ZNF385D: variants seen among roughly 807,000 people sequenced by gnomAD.
ZNF385D encodes the protein zinc finger protein 385D.
ZNF385D carries 15 observed loss-of-function variants against 35.8 expected under a neutral mutation model. That is an observed-to-expected ratio of 0.42 (90% CI 0.28 to 0.64). The LOEUF is 0.64. Among genes scored for constraint, ZNF385D ranks in the 30% least tolerant of loss-of-function variants. The probability of loss-of-function intolerance (pLI) is 0.23; values close to 1 mark genes in which losing one functional copy is unlikely to be tolerated. For missense variants in ZNF385D, 474 were observed against 494.6 expected (o/e 0.96, Z 0.39); for synonymous variants, 212 against 186.8 (o/e 1.13, Z -1.10).
intron 2 of ZNF385D, among the ~76,000 whole-genome samples, chr3:22,321,881 T>C (rs996112893): frequency 6.6e-6 from 1 of 152,100 alleles, no homozygotes; most frequent in African/African-American, 2.4e-5. Context: ...CTACACTCCC[T>C]TTATTGAGTG....
At chr3:21,863,398 A>G (rs1386524987) in intron 3 of ZNF385D, among the ~76,000 whole-genome samples, 1 of 152,114 alleles carries the variant, frequency 6.6e-6, no homozygotes, top group East Asian at 1.9e-4. Flanking sequence ...TTATTTGTTG[A>G]CTGCATGGAA....
At chr3:22,209,261 G>A (rs2125257300) in intron 2 of ZNF385D, among the ~76,000 whole-genome samples, 1 of 151,998 alleles carries the variant, frequency 6.6e-6, no homozygotes. Context: ...TTATAGACAT[G>A]TCACAAATGT....
At chr3:21,467,839 A>G (rs898901334) in intron 4 of ZNF385D, among the ~76,000 whole-genome samples, 1 of 152,196 alleles carries the variant, frequency 6.6e-6, no homozygotes, top group African/African-American at 2.4e-5. Flanking sequence ...AATACTTCTA[A>G]ATTACAGTTT....
chr3:21,871,591 T>C (rs892632947), intron 3 of ZNF385D, among the ~76,000 whole-genome samples: 5 of 152,266 alleles, frequency 3.3e-5, no homozygotes, highest in African/African-American at 1.2e-4. Context: ...GATTTAGTAA[T>C]TTTGTCAATG....
chr3:22,230,496 A>G (rs1698822335), intron 2 of ZNF385D, among the ~76,000 whole-genome samples: 1 of 151,948 alleles, frequency 6.6e-6, no homozygotes, highest in Non-Finnish European at 1.5e-5. Context: ...GAAGGATTCC[A>G]CTCCAAGGTC....
chr3:21,455,743 C>T (rs539544541), intron 4 of ZNF385D, among the ~76,000 whole-genome samples: 54 of 152,046 alleles, frequency 3.6e-4, no homozygotes, highest in Non-Finnish European at 5.3e-4. Flanking sequence ...ACAAATGGGA[C>T]CTAATTAAAC....
At chr3:21,658,248 T>C (rs2066131275) in intron 2 of ZNF385D, among the ~76,000 whole-genome samples, 2 of 152,044 alleles carry the variant, frequency 1.3e-5, no homozygotes, top group Non-Finnish European at 2.9e-5. Flanking sequence ...TGTAAGTACA[T>C]TCTTTGGGCA....
intron 3 of ZNF385D, among the ~76,000 whole-genome samples, chr3:21,823,003 G>A (rs1225182448): frequency 6.6e-6 from 1 of 151,970 alleles, no homozygotes; most frequent in Non-Finnish European, 1.5e-5. Flanking sequence ...GAACAAAGAT[G>A]CAATCAAAAC....
At chr3:21,635,543 T>G (rs67293110) in intron 2 of ZNF385D, among the ~76,000 whole-genome samples, 11,741 of 111,922 alleles carry the variant, frequency 0.1, 546 homozygotes, top group South Asian at 0.19. Context: ...TTTGTTGTTG[T>G]TGTTGTTGTT....
At chr3:22,105,714 T>C (rs868055939) in intron 3 of ZNF385D, among the ~76,000 whole-genome samples, 1 of 152,056 alleles carries the variant, frequency 6.6e-6, no homozygotes, top group Non-Finnish European at 1.5e-5. Flanking sequence ...TTTTGTTCTA[T>C]TAAGGTCCTC....
intron 2 of ZNF385D, among the ~76,000 whole-genome samples, chr3:22,303,214 TTG>T (rs1381138105): frequency 4.6e-5 from 7 of 152,162 alleles, no homozygotes; most frequent in African/African-American, 1.7e-4. Flanking sequence ...GCTACATGTA[TTG>T]TGTGTTTTAG....
At chr3:22,023,123 G>A (rs529350640) in intron 3 of ZNF385D, among the ~76,000 whole-genome samples, 1 of 152,270 alleles carries the variant, frequency 6.6e-6, no homozygotes, top group East Asian at 1.9e-4. Flanking sequence ...CATGTCTTAT[G>A]GAGGGCACAG....
intron 2 of ZNF385D, among the ~76,000 whole-genome samples, chr3:21,583,086 A>G (rs2063713518): frequency 6.6e-6 from 1 of 152,178 alleles, no homozygotes. Flanking sequence ...TTTAATGTCT[A>G]CCACATAGAA....
intron 3 of ZNF385D, among the ~76,000 whole-genome samples, chr3:21,894,504 C>G (rs527931024): frequency 6.6e-6 from 1 of 151,598 alleles, no homozygotes; most frequent in South Asian, 2.1e-4. Flanking sequence ...GTGATGAAAA[C>G]ACACTTTTAT....
At chr3:22,014,600 A>T (rs1696770861) in intron 3 of ZNF385D, among the ~76,000 whole-genome samples, 4 of 152,142 alleles carry the variant, frequency 2.6e-5, no homozygotes, top group Admixed American at 2.6e-4. Context: ...TAAAAGTCTC[A>T]GAAATATATA....
intron 2 of ZNF385D, among the ~76,000 whole-genome samples, chr3:22,181,514 G>A (rs546738557): frequency 8.6e-5 from 13 of 151,972 alleles, no homozygotes; most frequent in Non-Finnish European, 1.8e-4. Context: ...GGCGAACACG[G>A]TGAAACCCCC....
chr3:21,896,527 C>A (rs1001506191), intron 3 of ZNF385D, among the ~76,000 whole-genome samples: 1 of 152,116 alleles, frequency 6.6e-6, no homozygotes, highest in East Asian at 1.9e-4. Context: ...GGGGCCTGGG[C>A]CTTTTTTTCC....
At chr3:21,981,853 G>A (rs1480441265) in intron 3 of ZNF385D, among the ~76,000 whole-genome samples, 1 of 152,066 alleles carries the variant, frequency 6.6e-6, no homozygotes, top group Admixed American at 6.6e-5. Context: ...TGTCAGCTTT[G>A]TTGACGATCA....
Position 21,417,424 on chromosome 3 carries a change from G to T in ZNF385D, c.*3790C>A, listed in dbSNP as rs1507816. The T allele has an allele frequency of 0.21, 31,819 of 151,852 alleles. 3,815 individuals carry two copies. The highest frequency in any genetic ancestry group is 0.37 in the East Asian group (1,884 of 5,148). The allele number at this position is 151,852 out of a possible 1,614,324, so 9.4% of individuals were successfully genotyped here. Reference sequence around the variant, plus strand: ...TTCATGCGGCTTTTGGGTGAACAAAGTTATTAATACAATGTCATCCATGCT... The same window carrying T: ...TTCATGCGGCTTTTGGGTGAACAAATTTATTAATACAATGTCATCCATGCT... On this transcript the variant is annotated 3_prime_UTR_variant, in exon 8 of 8. Coordinates refer to ENST00000281523, the MANE Select transcript of ZNF385D (RefSeq NM_024697.3).
Sources: allele counts gnomAD v4.1 joint callset (sites outside exome capture counted in the v4.1 genomes callset), GRCh38; gene constraint gnomAD v4.1.1; transcripts MANE v1.5; gene names NCBI Gene and HGNC (gene_info 2026-07-23, HGNC 2026-07-21).